PZP: variants seen among roughly 807,000 people sequenced by gnomAD.
The protein encoded by PZP is PZP alpha-2-macroglobulin like.
Under a neutral mutation model 179.8 loss-of-function variants are expected in PZP, and 150 were observed. That is an observed-to-expected ratio of 0.83 (90% CI 0.73 to 0.96). The LOEUF (loss-of-function observed/expected upper bound fraction) is 0.96. PZP is among the 40% of genes least tolerant of loss of function. PZP has a pLI of 0.00. For missense variants in PZP, 1,689 were observed against 1,764.0 expected, an observed-to-expected ratio of 0.96 and a Z score of 0.76; for synonymous variants, 624 against 652.3, an observed-to-expected ratio of 0.96 and a Z score of 0.66.
intron 15 of PZP, among the ~76,000 whole-genome samples, chr12:9,171,295 A>G (rs1189031053): frequency 6.6e-6 from 1 of 152,208 alleles, no homozygotes; most frequent in African/African-American, 2.4e-5. Flanking sequence ...AGAAAAACAA[A>G]CAAACAAACA....
At chr12:9,149,444 C>A in intron 35 of PZP, 117 bp downstream of exon 35, 1 of 1,015,558 alleles carries the variant, frequency 9.8e-7, no homozygotes, top group South Asian at 1.8e-5. Context: ...GGTGTGAGGA[C>A]ATGCCATGTG....
downstream of PZP, among the ~76,000 whole-genome samples, chr12:9,146,448 T>C (rs1225884334): frequency 6.6e-6 from 1 of 152,194 alleles, no homozygotes; most frequent in Non-Finnish European, 1.5e-5. Flanking sequence ...AGCATCTTTA[T>C]GAGAATTATT....
chr12:9,203,566 C>T (rs192520077), intron 2 of PZP, among the ~76,000 whole-genome samples: 3 of 152,184 alleles, frequency 2.0e-5, no homozygotes, highest in East Asian at 3.9e-4. Context: ...TGGTCTCGAT[C>T]TCCTGACCTC....
intron 23 of PZP, 136 bp downstream of exon 23, chr12:9,160,897 A>G: frequency 1.3e-6 from 1 of 760,828 alleles, no homozygotes; most frequent in Non-Finnish European, 2.2e-6. Flanking sequence ...CCTGGGCGAC[A>G]GAGCGAGACT....
At chr12:9,145,973 T>C (rs1043276961), downstream of PZP, among the ~76,000 whole-genome samples, 1 of 152,192 alleles carries the variant, frequency 6.6e-6, no homozygotes, top group Non-Finnish European at 1.5e-5. Flanking sequence ...AAATTCTCTT[T>C]TACTTTTGAT....
intron 15 of PZP, among the ~76,000 whole-genome samples, chr12:9,178,820 A>AG (rs1403206365): frequency 6.6e-6 from 1 of 152,192 alleles, no homozygotes; most frequent in Non-Finnish European, 1.5e-5. Context: ...CCTGCAGATC[A>AG]GGGGGCACTA....
chr12:9,165,323 A>T lies in PZP; in HGVS notation c.2303T>A (p.Ile768Asn). The T allele has an allele frequency of 6.2e-7, 1 of 1,614,152 alleles. No individual in the cohort carries two copies. Among genetic ancestry groups the T allele is most frequent in the Non-Finnish European group, 8.5e-7 (1 of 1,179,992 alleles). Residue 768 changes from isoleucine (I) to asparagine (N), a missense_variant, in exon 19 of 36, where the codon ATC becomes AAC. Ile to Asn is a moderately radical substitution (Grantham distance 149). This residue lies in a region of PZP where 201 missense variants were observed against 284.2 expected (regional missense o/e 0.71). Transcript: ENST00000261336. ...AEVGVTVPDT[I>N]TEWKAGAFCL... ...GAAGGCCCCTGCCTTCCACTCGGTGATGGTGTCAGGGACTGTTACTCCTAC... is the reference window on the plus strand; with the variant it reads ...GAAGGCCCCTGCCTTCCACTCGGTGTTGGTGTCAGGGACTGTTACTCCTAC...
At chr12:9,138,986 G>A in the PZP span, among the ~76,000 whole-genome samples, 1 of 150,968 alleles carries the variant, frequency 6.6e-6, no homozygotes, top group Non-Finnish European at 1.5e-5. Flanking sequence ...AGCTTAGTTT[G>A]TTCTTTTTCT....
rs376946261 is a variant in PZP, at chr12:9,154,636, C to G, written c.3754G>C (p.Gly1252Arg). Reference protein sequence around the residue: ...KWIMKQQNAQGGFSSTQDTVV... With the variant: ...KWIMKQQNAQRGFSSTQDTVV... Reference sequence around the variant, plus strand: ...CTGACCTGGGTGGAGGAGAAACCACCTTGGGCGTTCTGCTGCTTCATGATC... The same window carrying G: ...CTGACCTGGGTGGAGGAGAAACCACGTTGGGCGTTCTGCTGCTTCATGATC... Residue 1252 changes from glycine (G) to arginine (R), a missense_variant, in exon 29 of 36, where the codon GGT (glycine) becomes CGT (arginine). Physicochemically the swap from Gly to Arg is moderately radical, Grantham distance 125 (BLOSUM62 -2). This residue lies in a region of PZP where 746 missense variants were observed against 749.2 expected (regional missense o/e 1.00). Coordinates refer to ENST00000261336, the MANE Select transcript of PZP (RefSeq NM_002864.3). The G allele has an allele frequency of 2.5e-6, 4 of 1,614,006 alleles. No individual in the cohort carries two copies. In the African/African-American group the frequency reaches 4.0e-5, roughly 16 times the overall value.
the PZP span, among the ~76,000 whole-genome samples, chr12:9,138,908 AT>A: frequency 6.8e-6 from 1 of 148,078 alleles, no homozygotes; most frequent in African/African-American, 2.5e-5. Flanking sequence ...AGCCTCTTTG[AT>A]TTTTTTCTTT....
chr12:9,165,943 G>A, intron 18 of PZP, 109 bp downstream of exon 18: 7 of 1,341,060 alleles, frequency 5.2e-6, no homozygotes, highest in Non-Finnish European at 7.1e-6. Flanking sequence ...AGAGGAAGAG[G>A]TTAAGATAAT....
chr12:9,157,913 A>G lies in PZP; in HGVS notation c.3295-72T>C. 6.5e-6 allele frequency: 8 copies of G among 1,233,432 alleles called. No homozygotes were observed. In the South Asian group the frequency reaches 8.9e-5, roughly 14 times the overall value. The allele number at this position is 1,233,432 out of a possible 1,614,324, so 76.4% of individuals were successfully genotyped here. ...TATATTCTCTTCTGTTGTTTGATGG[A>G]AACGCTCCTCAGTATCTGTTTCCAT... On this transcript the variant is annotated intron_variant, in intron 26 of 35. Transcript: ENST00000261336.
Position 9,152,834 on chromosome 12 carries a change from G to A in PZP, c.4111C>T (p.Leu1371=). 6.2e-7 allele frequency: 1 copy of A among 1,614,072 alleles called. No homozygotes were observed. Among genetic ancestry groups the A allele is most frequent in the Non-Finnish European group, 8.5e-7 (1 of 1,179,974 alleles). Residue 1371 remains leucine, a synonymous_variant, in exon 31 of 36, where the codon CTG becomes TTG. Coordinates refer to ENST00000261336, the MANE Select transcript of PZP (RefSeq NM_002864.3). ...HKAHTSFQIS[L]TISYTGNRPA... is the part of the protein sequence containing the mutation. The stretch of plus-strand genomic sequence containing the variant: ...GTTAGAACGTCTTACCTGATGGTCA[G>A]TGAGATCTGAAAGCTGGTGTGGGCT...
Position 9,166,054 on chromosome 12 carries a change from C to T in PZP, c.2256G>A (p.Val752=). The part of the protein sequence containing the change: ...PETWIWELVA[V]NSSGVAEVGV... Reference sequence around the variant, plus strand: ...TGGAGGAAAGTAAAGTTACTTACTTCACTGCCACCAACTCCCAGATCCAAG... The same window carrying T: ...TGGAGGAAAGTAAAGTTACTTACTTTACTGCCACCAACTCCCAGATCCAAG... Residue 752 remains valine (V), a splice_region_variant and synonymous_variant, in exon 18 of 36, where the codon GTG becomes GTA. Coordinates refer to ENST00000261336, the MANE Select transcript of PZP (RefSeq NM_002864.3). 6.2e-7 allele frequency: 1 copy of T among 1,603,664 alleles called. No individual in the cohort carries two copies. Among genetic ancestry groups the T allele is most frequent in the Non-Finnish European group, 8.5e-7 (1 of 1,176,842 alleles).
At chr12:9,183,321 G>T (rs73249110) in intron 13 of PZP, among the ~76,000 whole-genome samples, 1,732 of 152,186 alleles carry the variant, frequency 0.011, 28 homozygotes, top group African/African-American at 0.039. Context: ...GTGAGATGAT[G>T]GCCATGTTAC....
At chr12:9,200,050 G>C (rs1242613614) in intron 7 of PZP, among the ~76,000 whole-genome samples, 3 of 152,122 alleles carry the variant, frequency 2.0e-5, no homozygotes, top group Non-Finnish European at 4.4e-5. Context: ...AGTGGACAAT[G>C]TCTCTGTATT....
rs557504936 is a variant in PZP, at chr12:9,149,982, C to A, written c.4385-380G>T. 2.1e-4 allele frequency among the ~76,000 whole-genome samples: 32 copies of A among 152,260 alleles called. No homozygotes were observed. In the South Asian group the frequency reaches 6.4e-3, roughly 31 times the overall value. On this transcript the variant is annotated intron_variant, in intron 34 of 35. Coordinates refer to ENST00000261336, the MANE Select transcript of PZP (RefSeq NM_002864.3). ...GAAACACTCCTCCTACTTCTATAGA[C>A]CCCCAAAACTCCACTCATCCTCTAG...
rs150844656 is a variant in PZP at position 9,190,254 on chromosome 12, C to T, written c.1546+1939G>A. 4.9e-4 allele frequency among the ~76,000 whole-genome samples: 75 copies of T among 152,146 alleles called. No homozygotes were observed. In the East Asian group the frequency reaches 0.013, roughly 26 times the overall value. On this transcript the variant is annotated intron_variant, in intron 13 of 35. Coordinates refer to ENST00000261336, the MANE Select transcript of PZP (RefSeq NM_002864.3). ...CAAAGACATGGAATCAACCTAAATG[C>T]CCATCAGTGGAAGACTGAATAAAGA...
At chr12:9,143,849 T>C (rs1939865474), downstream of PZP, among the ~76,000 whole-genome samples, 1 of 152,196 alleles carries the variant, frequency 6.6e-6, no homozygotes, top group Non-Finnish European at 1.5e-5. Context: ...TTTGGATTGT[T>C]GAGCACCTAT....
Sources: gnomAD v4.1 joint callset for allele counts (sites outside exome capture counted in the v4.1 genomes callset) on GRCh38, gnomAD v4.1.1 for gene constraint, gnomAD v4.1.1 regional missense constraint, MANE v1.5 for transcripts, NCBI Gene and HGNC (gene_info 2026-07-23, HGNC 2026-07-21) for gene names.